The following APOB variants were observed in gnomAD, a reference collection of about 807,000 sequenced individuals.
APOB encodes apolipoprotein B-100.
Under a neutral mutation model 314.1 loss-of-function variants are expected in APOB, and 153 were observed. The observed-to-expected ratio is 0.49, with a 90% confidence interval of 0.43 to 0.56. The LOEUF is 0.56. APOB is among the 20% of genes least tolerant of loss of function. APOB has a pLI of 0.00. For synonymous variants in APOB, 2,087 were observed against 2,036.4 expected (o/e 1.02, Z -0.67); for missense variants, 5,430 against 5,350.7 (o/e 1.01, Z -0.46).
At chr2:21,034,665 GA>G (rs1171076346) in intron 8 of APOB, 150 bp downstream of exon 8, 2 of 709,270 alleles carry the variant, frequency 2.8e-6, no homozygotes, top group African/African-American at 3.5e-5. Context: ...ATCATGAAAT[GA>G]GTTTGCTTTC....
At position 21,019,020 on chromosome 2, in the gene APOB, A is replaced by G. The variant is rs1351154320; in HGVS notation, c.3093T>C (p.Asp1031=). Residue 1031 remains aspartate (D), a synonymous_variant, in exon 20 of 29, where the codon GAT becomes GAC. Coordinates refer to ENST00000233242, the MANE Select transcript of APOB (RefSeq NM_000384.3). ...ELQREDRALV[D]TLKFVTQAEG... is the part of the protein sequence containing the mutation. ...CTGCTTGAGTTACAAACTTCAGGGTATCCACCAAGGCTCTGTCCTCTCTCT... is the reference window on the plus strand; with the variant it reads ...CTGCTTGAGTTACAAACTTCAGGGTGTCCACCAAGGCTCTGTCCTCTCTCT... 2 of 1,614,076 alleles carry G rather than the reference A, an allele frequency of 1.2e-6. No homozygotes were observed. The highest frequency in any genetic ancestry group is 3.3e-5 in the Admixed American group (2 of 60,018).
At chr2:21,015,291 G>A in intron 22 of APOB, 31 bp from the exon 23 acceptor site, 1 of 1,612,940 alleles carries the variant, frequency 6.2e-7, no homozygotes, top group Non-Finnish European at 8.5e-7. Context: ...GTTGTGAATG[G>A]TACTAGTTCA....
Position 21,012,282 on chromosome 2 carries a change from C to T in APOB, c.4586G>A (p.Gly1529Asp), listed in dbSNP as rs558304720. The change falls in exon 26 of 29, where the codon GGC becomes GAC. Residue 1529 changes from glycine to aspartate, a missense_variant. By Grantham distance (94) the Gly-to-Asp change is moderately conservative. Transcript: ENST00000233242. ...ATATCTTCCTGTTATCTGGTTGGTG[C>T]CTTGGAGGTAGGAGGAGTTAAACCT... ...NLRFNSSYLQ[G>D]TNQITGRYED... 2.4e-5 allele frequency: 38 copies of T among 1,613,816 alleles called. No individual in the cohort carries two copies. The South Asian group carries it at 4.2e-4, about 18-fold the overall frequency.
Position 21,043,469 on chromosome 2 carries a change from A to G in APOB, c.121+44T>C, listed in dbSNP as rs762346708. On this transcript the variant is annotated intron_variant, in intron 2 of 28. Transcript: ENST00000233242. ...CAGGGACCCGGGTGTAGGAGAGTGC[A>G]CGGGGCTGGGCGCCCTTCCACGCCC... 3.8e-6 allele frequency: 6 copies of G among 1,578,210 alleles called. No homozygotes were observed. In the South Asian group the frequency reaches 5.8e-5, roughly 15 times the overall value.
chr2:21,038,537 T>A (rs1201009591), intron 4 of APOB, among the ~76,000 whole-genome samples: 2 of 152,194 alleles, frequency 1.3e-5, no homozygotes, highest in African/African-American at 4.8e-5. Flanking sequence ...GTTTTCACCA[T>A]GTTGGCCAGG....
chr2:21,032,246 G>C (rs1489188189), intron 10 of APOB, 108 bp downstream of exon 10: 10 of 981,058 alleles, frequency 1.0e-5, no homozygotes, highest in East Asian at 2.4e-5. Flanking sequence ...CAAGAGTAAG[G>C]AGCAGAGTTT....
chr2:21,013,619 T>G, intron 24 of APOB, 86 bp from the exon 25 acceptor site: 35 of 1,560,984 alleles, frequency 2.2e-5, no homozygotes, highest in Non-Finnish European at 2.9e-5. Flanking sequence ...AACAATATTG[T>G]ACTTGCCCCA....
In APOB at chr2:21,024,901, T is replaced by C. The variant is rs377434664; in HGVS notation, c.2436+32A>G. ...TCTAAAAAAAAACCAACGTCTGGTC[T>C]CATGGGCCCCCAGTGGGGCCTGCTG... On this transcript the variant is annotated intron_variant, in intron 16 of 28. Coordinates refer to ENST00000233242, the MANE Select transcript of APOB (RefSeq NM_000384.3). 1.7e-4 allele frequency: 280 copies of C among 1,612,204 alleles called. 1 individual carries two copies. Among genetic ancestry groups the C allele is most frequent in the Middle Eastern group, 8.2e-4 (5 of 6,080 alleles).
chr2:21,009,170 C>G lies in APOB; in HGVS notation c.7698G>C (p.Glu2566Asp), dbSNP rs149306841. Reference sequence around the variant, plus strand: ...TAGCCCAATCTTGGATAGAATATTGCTCTGCAAAGTCAGTAAGGTTCTTAG... The same window carrying G: ...TAGCCCAATCTTGGATAGAATATTGGTCTGCAAAGTCAGTAAGGTTCTTAG... Reference protein sequence around the residue: ...LAAKNLTDFAEQYSIQDWAKR... With the variant: ...LAAKNLTDFADQYSIQDWAKR... The change falls in exon 26 of 29, where the codon GAG (glutamate) becomes GAC (aspartate). Residue 2566 changes from glutamate to aspartate, a missense_variant. By Grantham distance (45) the Glu-to-Asp change is conservative. Transcript: ENST00000233242. The G allele has an allele frequency of 4.2e-5, 68 of 1,613,968 alleles. No individual in the cohort carries two copies. The highest frequency in any genetic ancestry group is 1.0e-5 in the Non-Finnish European group (12 of 1,179,980).
rs903733875 is a variant in APOB, at chr2:21,019,758, G to A, written c.2964C>T (p.Asp988=). 6.2e-7 allele frequency: 1 copy of A among 1,614,198 alleles called. No individual in the cohort carries two copies. The highest frequency in any genetic ancestry group is 8.5e-7 in the Non-Finnish European group (1 of 1,180,032). ...SGAYSNASST[D]SASYYPLTGD... is the part of the protein sequence containing the mutation. ...CGGTCAGCGGATAGTAGGAGGCGGA[G>A]TCTGTGGAGCTGGCGTTGGAGTAAG... Residue 988 remains aspartate (D), a synonymous_variant, in exon 19 of 29, where the codon GAC becomes GAT. Coordinates refer to ENST00000233242, the MANE Select transcript of APOB (RefSeq NM_000384.3).
At position 21,010,938 on chromosome 2, in the gene APOB, TG is replaced by T. The variant is rs772786000; in HGVS notation, c.5929del (p.Gln1977ArgfsTer41). ...GGTCTTGAGTTTCCAGGTGCCTGTC[TG>T]CTCAGCTGGAGTAAGCAGGGCACTG... Reference protein sequence around the residue: ...KVSALLTPAEQTGTWKLKTQF... With the variant: ...KVSALLTPAEXTGTWKLKTQF... On this transcript the variant is annotated frameshift_variant, in exon 26 of 29. Transcript: ENST00000233242. LOFTEE classifies it high-confidence loss of function. 1 of 1,614,166 alleles carries T rather than the reference TG, an allele frequency of 6.2e-7. No individual in the cohort carries two copies. Among genetic ancestry groups the T allele is most frequent in the Non-Finnish European group, 8.5e-7 (1 of 1,180,000 alleles).
At chr2:21,019,192 C>T in intron 19 of APOB, 79 bp from the exon 20 acceptor site, 9 of 1,572,236 alleles carry the variant, frequency 5.7e-6, no homozygotes, top group Non-Finnish European at 7.9e-6. Flanking sequence ...ACAATTCAGC[C>T]TCAAATGCAA....
chr2:21,018,620 C>A (rs1663531175), intron 20 of APOB, among the ~76,000 whole-genome samples: 1 of 152,134 alleles, frequency 6.6e-6, no homozygotes, highest in Non-Finnish European at 1.5e-5. Flanking sequence ...GGAGACTTTC[C>A]CTTATTATTC....
rs745401772 is a variant in APOB, at chr2:21,013,513, G to A, written c.3863C>T (p.Thr1288Ile). ...FLKSDGRVKY[T>I]LNKNSLKIEI... is the part of the protein sequence containing the mutation. ...AATTTTCAAACTGTTCTTGTTCAAG[G>A]TATATTTGACCCGGCCATCGCTGAA... The change falls in exon 25 of 29, where the codon ACC (threonine) becomes ATC (isoleucine). Residue 1288 changes from threonine (T) to isoleucine (I), a missense_variant. Thr to Ile is a moderately conservative substitution (Grantham distance 89, BLOSUM62 -1). Transcript: ENST00000233242. The A allele has an allele frequency of 2.5e-6, 4 of 1,614,172 alleles. No homozygotes were observed. The South Asian group carries it at 3.3e-5, about 13-fold the overall frequency.
chr2:21,037,299 A>T (rs761491327), intron 5 of APOB, 44 bp from the exon 6 acceptor site: 1 of 1,599,238 alleles, frequency 6.3e-7, no homozygotes, highest in Non-Finnish European at 8.6e-7. Context: ...AACACGGGCA[A>T]CATCCTTGGG....
chr2:21,014,967 A>G, intron 23 of APOB, 106 bp downstream of exon 23: 1 of 1,190,672 alleles, frequency 8.4e-7, no homozygotes, highest in Non-Finnish European at 1.2e-6. Flanking sequence ...GGGGGAAGGA[A>G]GCATGCCTTA....
rs1003873446 is a variant in APOB at position 21,001,616 on chromosome 2, A to G, written c.*114T>C. On this transcript the variant is annotated 3_prime_UTR_variant, in exon 29 of 29. Coordinates refer to ENST00000233242, the MANE Select transcript of APOB (RefSeq NM_000384.3). The stretch of plus-strand genomic sequence containing the variant: ...TGCTTCTGCTTATAGTCTACTGCCT[A>G]CTGCAAGGCTGGCTCACTGTATGGT... 74 of 1,008,314 alleles carry G rather than the reference A, an allele frequency of 7.3e-5. No homozygotes were observed. Among genetic ancestry groups the G allele is most frequent in the Non-Finnish European group, 9.9e-5 (66 of 665,344 alleles). The allele number at this position is 1,008,314 out of a possible 1,614,324, so 62.5% of individuals were successfully genotyped here.
chr2:21,016,088 G>T (rs1663455876), intron 21 of APOB, among the ~76,000 whole-genome samples: 1 of 152,150 alleles, frequency 6.6e-6, no homozygotes, highest in Non-Finnish European at 1.5e-5. Context: ...AGGAGATCGA[G>T]ACCATCCTGG....
At chr2:21,005,011 A>C (rs1663088371) in intron 26 of APOB, 69 bp downstream of exon 26, 1 of 1,571,126 alleles carries the variant, frequency 6.4e-7, no homozygotes, top group East Asian at 2.2e-5. Flanking sequence ...AACTAAATAC[A>C]TAATTATTTA....
Sources: gnomAD v4.1 joint callset for allele counts (sites outside exome capture counted in the v4.1 genomes callset) on GRCh38, gnomAD v4.1.1 for gene constraint, MANE v1.5 for transcripts, NCBI Gene and HGNC (gene_info 2026-07-23, HGNC 2026-07-21) for gene names.